The following GSE1 variants were observed in gnomAD, a reference collection of about 807,000 sequenced individuals.
GSE1 encodes the protein Gse1 coiled-coil protein, also known as genetic suppressor element 1.
GSE1 carries 32 observed loss-of-function variants against 112.6 expected under a neutral mutation model. The ratio of observed to expected loss-of-function variants is 0.28; its 90% CI spans 0.21 to 0.38. The LOEUF (loss-of-function observed/expected upper bound fraction) is 0.38. Ranked by LOEUF, GSE1 falls within the 10% of genes least tolerant of loss-of-function variation. The probability of loss-of-function intolerance (pLI) is 1.00; values close to 1 mark genes in which losing one functional copy is unlikely to be tolerated. For synonymous variants in GSE1, 1,115 were observed against 735.6 expected (o/e 1.52, Z -8.35); for missense variants, 2,348 against 1,699.2 (o/e 1.38, Z -6.71).
At position 85,261,628 on chromosome 16, in the gene GSE1, G is replaced by C. The variant is rs568997346; in HGVS notation, c.2283+89821G>C. On this transcript the variant is annotated intron_variant, in intron 1 of 2. Coordinates refer to the GSE1 transcript ENST00000637419. ...GGGACTTGGCGGCCAGCAGGAGAGG[G>C]CTGGGCATTGATGGGTTCCCGACCA... is the stretch of plus-strand genomic sequence containing the variant. Among the ~76,000 whole-genome samples the C allele has an allele frequency of 5.2e-3, 789 of 152,296 alleles. 4 individuals are homozygous for C. The highest frequency in any genetic ancestry group is 0.027 in the Middle Eastern group (8 of 294).
intron 2 of GSE1, among the ~76,000 whole-genome samples, chr16:85,502,976 C>T (rs923400799): frequency 1.3e-5 from 2 of 152,112 alleles, no homozygotes; most frequent in Admixed American, 6.6e-5. Context: ...AGGTCCAGGG[C>T]TGGAGGGCGA....
chr16:85,283,958 C>G (rs1443307684), intron 1 of GSE1, among the ~76,000 whole-genome samples: 1 of 152,208 alleles, frequency 6.6e-6, no homozygotes, highest in African/African-American at 2.4e-5. Context: ...TGTCCTCAGG[C>G]CCATCTCTTT....
At chr16:85,334,191 G>A (rs997403637) in intron 1 of GSE1, among the ~76,000 whole-genome samples, 11 of 152,164 alleles carry the variant, frequency 7.2e-5, no homozygotes, top group Non-Finnish European at 1.6e-4. Context: ...CTCTATGATC[G>A]ACTTGGCTCC....
At position 85,247,585 on chromosome 16, in the gene GSE1, T is replaced by C. The variant is rs552678193; in HGVS notation, c.2283+75778T>C. Reference sequence around the variant, plus strand: ...CTCTCCTAAGCCTGGCTCAAGCCACTGCCACCACTGCCACTTCTCCCACCC... The same window carrying C: ...CTCTCCTAAGCCTGGCTCAAGCCACCGCCACCACTGCCACTTCTCCCACCC... On this transcript the variant is annotated intron_variant, in intron 1 of 2. Transcript: ENST00000637419. 6.0e-4 allele frequency among the ~76,000 whole-genome samples: 91 copies of C among 152,136 alleles called. 2 individuals carry two copies. The highest frequency in any genetic ancestry group is 2.0e-3 in the African/African-American group (84 of 41,386).
Position 85,654,415 on chromosome 16 carries a change from C to T in GSE1, c.564C>T (p.Ser188=). ...CCTACCCCTTCGGCCTCTCCCCCAG[C>T]TCAGTTGTGCAGGATTCCCGCTTCC... The part of the protein sequence containing the change: ...STPYPFGLSP[S]SVVQDSRFPP... Residue 188 remains serine, a synonymous_variant, in exon 4 of 16, where the codon AGC becomes AGT. Coordinates refer to ENST00000253458, the MANE Select transcript of GSE1 (RefSeq NM_014615.5). 1.9e-6 allele frequency: 3 copies of T among 1,587,672 alleles called. No individual in the cohort carries two copies. The highest frequency in any genetic ancestry group is 2.2e-5 in the East Asian group (1 of 44,644).
upstream of GSE1, among the ~76,000 whole-genome samples, chr16:85,609,037 C>T (rs1030022792): frequency 6.6e-6 from 1 of 152,212 alleles, no homozygotes; most frequent in African/African-American, 2.4e-5. Context: ...AGGCCGTGTG[C>T]TCAGACTTAG....
intron 1 of GSE1, among the ~76,000 whole-genome samples, chr16:85,257,192 T>A (rs1025984115): frequency 2.6e-5 from 4 of 152,172 alleles, no homozygotes; most frequent in Non-Finnish European, 4.4e-5. Flanking sequence ...CACTGCAACC[T>A]CCACCTCCTG....
At chr16:85,582,467 G>A (rs1372948824) in intron 1 of GSE1, among the ~76,000 whole-genome samples, 1 of 152,168 alleles carries the variant, frequency 6.6e-6, no homozygotes, top group African/African-American at 2.4e-5. Flanking sequence ...CCAGAGCCCG[G>A]TCACTTGGGA....
intron 1 of GSE1, among the ~76,000 whole-genome samples, chr16:85,188,729 A>G (rs1481751184): frequency 6.6e-6 from 1 of 151,694 alleles, no homozygotes; most frequent in Non-Finnish European, 1.5e-5. Context: ...TGAGCCGAGG[A>G]GTTCAAGGCT....
chr16:85,602,528 G>A (rs1338217288), intron 1 of GSE1, among the ~76,000 whole-genome samples: 1 of 152,036 alleles, frequency 6.6e-6, no homozygotes, highest in Admixed American at 6.6e-5. Context: ...ATCCCTGCCC[G>A]ACCCACATCT....
chr16:85,502,905 G>A (rs1474832213), intron 2 of GSE1, among the ~76,000 whole-genome samples: 1 of 152,244 alleles, frequency 6.6e-6, no homozygotes, highest in Non-Finnish European at 1.5e-5. Context: ...GGAGGCCAGG[G>A]CTGGGTGCCC....
intron 1 of GSE1, among the ~76,000 whole-genome samples, chr16:85,321,745 T>G (rs1271744302): frequency 6.6e-6 from 1 of 151,360 alleles, no homozygotes; most frequent in East Asian, 1.9e-4. Context: ...GCCCAGGACT[T>G]TTGTGCCACT....
At chr16:85,435,499 G>A (rs749405792) in intron 2 of GSE1, among the ~76,000 whole-genome samples, 1 of 152,150 alleles carries the variant, frequency 6.6e-6, no homozygotes, top group Admixed American at 6.5e-5. Context: ...ACAGCCCCCC[G>A]CAGCAGGTGC....
chr16:85,607,608 C>G (rs1265162640), upstream of GSE1, among the ~76,000 whole-genome samples: 3 of 152,130 alleles, frequency 2.0e-5, no homozygotes, highest in African/African-American at 4.8e-5. Context: ...TTCCTGTTCC[C>G]CTAGAGGTGA....
chr16:85,358,241 C>T (rs2046993601), intron 2 of GSE1, among the ~76,000 whole-genome samples: 1 of 152,194 alleles, frequency 6.6e-6, no homozygotes, highest in African/African-American at 2.4e-5. Flanking sequence ...CTTGGTTAAT[C>T]GCCGTGTGTG....
At chr16:85,348,519 G>T (rs962950054) in intron 1 of GSE1, among the ~76,000 whole-genome samples, 1 of 152,102 alleles carries the variant, frequency 6.6e-6, no homozygotes, top group African/African-American at 2.4e-5. Context: ...TGGCCCCTTT[G>T]TCCACTTGAT....
chr16:85,462,763 G>T (rs1196722600), intron 2 of GSE1, among the ~76,000 whole-genome samples: 6 of 141,302 alleles, frequency 4.2e-5, no homozygotes, highest in African/African-American at 7.6e-5. Flanking sequence ...TGGTGGCTGC[G>T]AGGCAGCCGC....
At chr16:85,658,127 T>G (rs944635595) in intron 8 of GSE1, among the ~76,000 whole-genome samples, 13 of 152,242 alleles carry the variant, frequency 8.5e-5, no homozygotes, top group Admixed American at 6.5e-5. Flanking sequence ...TGGTGGTCCC[T>G]TGGACCCCGG....
chr16:85,223,255 G>A (rs546714834), intron 1 of GSE1, among the ~76,000 whole-genome samples: 43 of 152,312 alleles, frequency 2.8e-4, no homozygotes, highest in South Asian at 6.2e-4. Flanking sequence ...GGGCACGTTG[G>A]CTCACGCCTG....
Sources: allele counts gnomAD v4.1 joint callset (sites outside exome capture counted in the v4.1 genomes callset), GRCh38; gene constraint gnomAD v4.1.1; transcripts MANE v1.5; gene names NCBI Gene and HGNC (gene_info 2026-07-23, HGNC 2026-07-21).